Variants in EXOC5 observed in about 807,000 individuals in gnomAD.
EXOC5 encodes the protein SEC10-like 1.
EXOC5 carries 17 observed loss-of-function variants against 90.8 expected under a neutral mutation model. The ratio of observed to expected loss-of-function variants is 0.19; its 90% CI spans 0.13 to 0.28. The LOEUF (loss-of-function observed/expected upper bound fraction) is 0.28, where lower values mean the gene tolerates loss of function less well. Ranked by LOEUF, EXOC5 falls within the 10% of genes least tolerant of loss-of-function variation. The probability of loss-of-function intolerance (pLI) is 1.00; values close to 1 mark genes in which losing one functional copy is unlikely to be tolerated. For synonymous variants in EXOC5, 260 were observed against 270.0 expected, an observed-to-expected ratio of 0.96 and a Z score of 0.36; for missense variants, 569 against 830.6, an observed-to-expected ratio of 0.69 and a Z score of 3.87.
intron 13 of EXOC5, among the ~76,000 whole-genome samples, chr14:57,221,606 T>C (rs1423040616): frequency 6.6e-6 from 1 of 152,140 alleles, no homozygotes; most frequent in African/African-American, 2.4e-5. Context: ...GCTATCAGGA[T>C]TGATTTCTGA....
intron 12 of EXOC5, 67 bp from the exon 13 acceptor site, chr14:57,222,483 A>G: frequency 1.2e-6 from 1 of 834,834 alleles, no homozygotes; most frequent in Non-Finnish European, 1.9e-6. Flanking sequence ...ATTTTTTTTA[A>G]GCAATCAATT....
rs145722474 is a variant in EXOC5, at chr14:57,210,488, C to A, written c.1614-427G>T. On this transcript the variant is annotated intron_variant, in intron 15 of 17. Coordinates refer to ENST00000621441, the MANE Select transcript of EXOC5 (RefSeq NM_006544.4). ...CATACATAATAAGATATCTTGGGGA[C>A]GGGACCCATTCTAAACACAAAATTC... 2.3e-3 allele frequency among the ~76,000 whole-genome samples: 357 copies of A among 152,138 alleles called. 2 individuals carry two copies. Among genetic ancestry groups the A allele is most frequent in the African/African-American group, 8.2e-3 (342 of 41,502 alleles).
chr14:57,261,951 G>A (rs1884515345), intron 1 of EXOC5, among the ~76,000 whole-genome samples: 1 of 152,138 alleles, frequency 6.6e-6, no homozygotes, highest in Admixed American at 6.5e-5. Flanking sequence ...TACTTCCTAT[G>A]GGAGGGGCAT....
chr14:57,242,310 T>C (rs1594671788), intron 4 of EXOC5, among the ~76,000 whole-genome samples: 1 of 151,890 alleles, frequency 6.6e-6, no homozygotes, highest in African/African-American at 2.4e-5. Flanking sequence ...AGTGTGGCAG[T>C]CACAGCTCAC....
intron 12 of EXOC5, 31 bp downstream of exon 12, chr14:57,229,703 A>G: frequency 2.1e-6 from 3 of 1,413,576 alleles, no homozygotes; most frequent in Non-Finnish European, 2.8e-6. Flanking sequence ...GAACAACTGT[A>G]TATGTAAAAT....
In EXOC5 at chr14:57,265,560, A is replaced by C. The variant is rs113042770; in HGVS notation, c.27+3062T>G. ...CAACATGGTAAAACCTTATTTCTGCAAAAAATTTTTAAAAATCAGCTGGGC... is the reference window on the plus strand; with the variant it reads ...CAACATGGTAAAACCTTATTTCTGCCAAAAATTTTTAAAAATCAGCTGGGC... On this transcript the variant is annotated intron_variant, in intron 1 of 17. Coordinates refer to ENST00000621441, the MANE Select transcript of EXOC5 (RefSeq NM_006544.4). Among the ~76,000 whole-genome samples, 1,362 of 152,246 alleles carry C rather than the reference A, an allele frequency of 8.9e-3. 24 individuals carry two copies. Among genetic ancestry groups the C allele is most frequent in the African/African-American group, 0.031 (1,286 of 41,520 alleles).
At chr14:57,250,495 T>C (rs1172969970) in intron 1 of EXOC5, among the ~76,000 whole-genome samples, 2 of 152,288 alleles carry the variant, frequency 1.3e-5, no homozygotes, top group East Asian at 1.9e-4. Flanking sequence ...AAGAAAAATA[T>C]GCAAATATTT....
chr14:57,217,440 A>G (rs1261413253), intron 15 of EXOC5, among the ~76,000 whole-genome samples: 1 of 152,080 alleles, frequency 6.6e-6, no homozygotes, highest in Non-Finnish European at 1.5e-5. Flanking sequence ...AATATTTCAA[A>G]CTTTTTCATT....
At chr14:57,260,692 G>T (rs1410882970) in intron 1 of EXOC5, among the ~76,000 whole-genome samples, 6 of 152,086 alleles carry the variant, frequency 3.9e-5, no homozygotes, top group Admixed American at 3.9e-4. Flanking sequence ...ATGCAAGAAT[G>T]TTCTTTAAAT....
At chr14:57,233,673 C>CTT (rs966160355) in intron 9 of EXOC5, 70 bp downstream of exon 9, 5 of 970,012 alleles carry the variant, frequency 5.2e-6, no homozygotes, top group Non-Finnish European at 6.0e-6. Context: ...TTTAAAAATA[C>CTT]TTTTAAAATA....
chr14:57,247,929 G>C (rs1221106084), intron 1 of EXOC5, among the ~76,000 whole-genome samples: 1 of 151,732 alleles, frequency 6.6e-6, no homozygotes. Flanking sequence ...TAAAATACTA[G>C]AACAGTATTA....
chr14:57,218,751 T>A (rs922181281), intron 14 of EXOC5, among the ~76,000 whole-genome samples: 3 of 152,074 alleles, frequency 2.0e-5, no homozygotes, highest in African/African-American at 7.2e-5. Flanking sequence ...TGTCAAAAAA[T>A]TTTATATGAG....
intron 15 of EXOC5, among the ~76,000 whole-genome samples, chr14:57,212,795 T>G (rs913152788): frequency 7.2e-5 from 11 of 152,156 alleles, no homozygotes; most frequent in Admixed American, 6.5e-5. Flanking sequence ...ACGATTCCCT[T>G]CCATTTTCAA....
chr14:57,247,527 G>T, intron 2 of EXOC5, 91 bp downstream of exon 2: 1 of 525,862 alleles, frequency 1.9e-6, no homozygotes, highest in Non-Finnish European at 3.3e-6. Context: ...CCTTGTAGAG[G>T]AATGCTGAAA....
At chr14:57,257,323 T>C (rs185405958) in intron 1 of EXOC5, among the ~76,000 whole-genome samples, 9 of 152,328 alleles carry the variant, frequency 5.9e-5, no homozygotes, top group Middle Eastern at 3.4e-3. Flanking sequence ...TATGTTAAAG[T>C]GTAGATGCCT....
intron 1 of EXOC5, among the ~76,000 whole-genome samples, chr14:57,263,730 A>G (rs904215944): frequency 4.5e-5 from 6 of 134,234 alleles, no homozygotes; most frequent in African/African-American, 1.8e-4. Context: ...ACGCCACTGC[A>G]CTCCAGCCTA....
rs1594675717 is a variant in EXOC5 at position 57,247,708 on chromosome 14, G to C, written c.32C>G (p.Pro11Arg). The change falls in exon 2 of 18, where the codon CCT becomes CGT. Residue 11 changes from proline to arginine, a missense_variant. Transcript: ENST00000621441. MATTAELFEE[P>R]FVADEYIERL... ...TTCAATATATTCATCTGCCACAAAAGGCTCCTAGTTTACAAAAAAATACGC... is the reference window on the plus strand; with the variant it reads ...TTCAATATATTCATCTGCCACAAAACGCTCCTAGTTTACAAAAAAATACGC... The C allele has an allele frequency of 6.5e-7, 1 of 1,529,834 alleles. No individual in the cohort carries two copies. The highest frequency in any genetic ancestry group is 2.4e-5 in the East Asian group (1 of 41,680). 94.8% of individuals were successfully genotyped at this position (1,529,834 alleles called of 1,614,324 possible). A position where few individuals can be genotyped will look rare whatever the true frequency, so the allele number is the denominator to read the frequency against.
chr14:57,253,136 T>C lies in EXOC5; in HGVS notation c.28-5424A>G, dbSNP rs1594679571. Among the ~76,000 whole-genome samples, 3 of 152,162 alleles carry C rather than the reference T, an allele frequency of 2.0e-5. No homozygotes were observed. The East Asian group carries it at 5.8e-4, about 29-fold the overall frequency. ...GGTGGTTACCAAAGGCTGGGAAGGC[T>C]AAAGCGGAGGCAGGGAGCAAGAAGA... On this transcript the variant is annotated intron_variant, in intron 1 of 17. Transcript: ENST00000621441.
In EXOC5 at chr14:57,207,647, A is replaced by C. The variant is rs1882698706; in HGVS notation, c.*962T>G. 1 of 152,088 alleles carries C rather than the reference A, an allele frequency of 6.6e-6. No individual in the cohort carries two copies. The highest frequency in any genetic ancestry group is 2.1e-4 in the South Asian group (1 of 4,828). The allele number at this position is 152,088 out of a possible 1,614,324, so 9.4% of individuals were successfully genotyped here. ...TTCTCAATTCTTCTTAAAATAAAAG[A>C]CTAACCACATGTTCAGCCATTCCAT... On this transcript the variant is annotated 3_prime_UTR_variant, in exon 18 of 18. Transcript: ENST00000621441.
Sources: gnomAD v4.1 joint callset for allele counts (sites outside exome capture counted in the v4.1 genomes callset) on GRCh38, gnomAD v4.1.1 for gene constraint, MANE v1.5 for transcripts, NCBI Gene and HGNC (gene_info 2026-07-23, HGNC 2026-07-21) for gene names.